Variants in KCNH7 observed in about 807,000 individuals in gnomAD.
KCNH7 encodes potassium voltage-gated channel subfamily H member 7.
A neutral mutation model predicts 120.8 loss-of-function variants in KCNH7; 49 were observed. The ratio of observed to expected loss-of-function variants is 0.41; its 90% confidence interval spans 0.32 to 0.51. The LOEUF (loss-of-function observed/expected upper bound fraction) is 0.51. KCNH7 is among the 20% of genes least tolerant of loss of function. The probability of loss-of-function intolerance (pLI) is 0.38; values close to 1 mark genes in which losing one functional copy is unlikely to be tolerated. For synonymous variants in KCNH7, 547 were observed against 516.1 expected, an observed-to-expected ratio of 1.06 and a Z score of -0.81; for missense variants, 1,097 against 1,446.6, an observed-to-expected ratio of 0.76 and a Z score of 3.92.
intron 2 of KCNH7, among the ~76,000 whole-genome samples, chr2:162,820,254 T>TGTGTGTGTGTGTGTGTGTGTGTG (rs59154139): frequency 8.1e-5 from 12 of 147,672 alleles, no homozygotes; most frequent in South Asian, 2.2e-4. Context: ...TGTGTGTGTG[T>TGTGTGTGTGTGTGTGTGTGTGTG]TTAGTAGAGA....
chr2:162,380,858 G>A (rs994225641), intron 13 of KCNH7, among the ~76,000 whole-genome samples: 2 of 151,844 alleles, frequency 1.3e-5, no homozygotes, highest in Non-Finnish European at 2.9e-5. Context: ...AGTCTAGCAG[G>A]GTTGTGATCC....
intron 7 of KCNH7, 69 bp downstream of exon 7, chr2:162,445,949 T>C: frequency 8.1e-7 from 1 of 1,233,534 alleles, no homozygotes; most frequent in Non-Finnish European, 1.1e-6. Context: ...CTCTTCTTTT[T>C]GCAGTTAAAA....
chr2:162,838,412 G>A (rs770157948), intron 1 of KCNH7, 31 bp downstream of exon 1: 1 of 1,576,654 alleles, frequency 6.3e-7, no homozygotes, highest in Non-Finnish European at 8.7e-7. Flanking sequence ...GGCAGAAAGC[G>A]AGGGCGAGAG....
intron 6 of KCNH7, among the ~76,000 whole-genome samples, chr2:162,496,735 C>T (rs1690511280): frequency 2.0e-5 from 3 of 152,098 alleles, no homozygotes; most frequent in Admixed American, 1.3e-4. Context: ...AGTCTTTATA[C>T]AAATAATTGT....
chr2:162,831,791 G>A (rs1193029647), intron 2 of KCNH7, among the ~76,000 whole-genome samples: 1 of 152,160 alleles, frequency 6.6e-6, no homozygotes, highest in Non-Finnish European at 1.5e-5. Flanking sequence ...CCTTGGGTGT[G>A]AAAATAACTA....
intron 3 of KCNH7, among the ~76,000 whole-genome samples, chr2:162,529,759 C>T (rs1168330686): frequency 6.6e-6 from 1 of 151,762 alleles, no homozygotes. Context: ...TTAAATGTGG[C>T]CCCTTATGCT....
chr2:162,732,645 C>T (rs546488978), intron 2 of KCNH7, among the ~76,000 whole-genome samples: 1 of 152,248 alleles, frequency 6.6e-6, no homozygotes, highest in South Asian at 2.1e-4. Flanking sequence ...TTCTTTGAAC[C>T]TCAATATCCT....
chr2:162,569,818 G>T (rs1340619146), intron 2 of KCNH7, among the ~76,000 whole-genome samples: 1 of 139,264 alleles, frequency 7.2e-6, no homozygotes, highest in Non-Finnish European at 1.5e-5. Context: ...AGGTTGTTCA[G>T]TGTCCATGTA....
chr2:162,514,093 A>G (rs1691202496), intron 4 of KCNH7, among the ~76,000 whole-genome samples: 1 of 151,832 alleles, frequency 6.6e-6, no homozygotes, highest in African/African-American at 2.4e-5. Context: ...GTTGATATCT[A>G]TGCTAACACT....
chr2:162,820,209 TTGTGTGTG>T (rs71410049), intron 2 of KCNH7, among the ~76,000 whole-genome samples: 2,987 of 99,722 alleles, frequency 0.03, 58 homozygotes, highest in African/African-American at 0.066. Context: ...CCGGCTAATT[TTGTGTGTG>T]TGTGTGTGTG....
chr2:162,410,531 C>G (rs1280522059), intron 9 of KCNH7, among the ~76,000 whole-genome samples: 3 of 151,488 alleles, frequency 2.0e-5, no homozygotes, highest in African/African-American at 7.3e-5. Context: ...AACACCTCTT[C>G]AACCTTGGCA....
chr2:162,522,214 T>C (rs923374771), intron 3 of KCNH7, among the ~76,000 whole-genome samples: 12 of 151,726 alleles, frequency 7.9e-5, no homozygotes, highest in African/African-American at 2.9e-4. Flanking sequence ...TGAAATTGAG[T>C]TTTAAAGCAG....
chr2:162,618,075 G>A (rs915736063), intron 2 of KCNH7, among the ~76,000 whole-genome samples: 12 of 151,896 alleles, frequency 7.9e-5, no homozygotes, highest in African/African-American at 2.9e-4. Context: ...CCTAGCTTTA[G>A]TAAAGAGATG....
intron 2 of KCNH7, among the ~76,000 whole-genome samples, chr2:162,807,227 A>T (rs1684571925): frequency 7.5e-6 from 1 of 132,952 alleles, no homozygotes; most frequent in Non-Finnish European, 1.6e-5. Flanking sequence ...CCTGGCCAAC[A>T]TGGTGAAAAC....
At chr2:162,617,429 A>G (rs1333737593) in intron 2 of KCNH7, among the ~76,000 whole-genome samples, 2 of 152,132 alleles carry the variant, frequency 1.3e-5, no homozygotes, top group Non-Finnish European at 2.9e-5. Context: ...CAGTGAGCTG[A>G]GATTGCGCCA....
chr2:162,423,914 T>TC (rs1248934149), intron 8 of KCNH7, among the ~76,000 whole-genome samples: 5 of 152,156 alleles, frequency 3.3e-5, no homozygotes, highest in Non-Finnish European at 7.4e-5. Context: ...GGCAAAAGCA[T>TC]CTTTTAGGGA....
intron 9 of KCNH7, among the ~76,000 whole-genome samples, chr2:162,418,213 G>A (rs1573934075): frequency 6.6e-6 from 1 of 152,142 alleles, no homozygotes; most frequent in Admixed American, 6.5e-5. Flanking sequence ...ACCAAAAGGT[G>A]TTGCCAGTCC....
chr2:162,531,344 C>T (rs532969777), intron 3 of KCNH7, among the ~76,000 whole-genome samples: 159 of 152,050 alleles, frequency 1.0e-3, no homozygotes, highest in African/African-American at 3.7e-3. Context: ...CCCTTCTCTG[C>T]CATGCTGCTG....
chr2:162,671,539 A>C (rs1386285119), intron 2 of KCNH7, among the ~76,000 whole-genome samples: 4 of 152,112 alleles, frequency 2.6e-5, no homozygotes, highest in Admixed American at 2.6e-4. Flanking sequence ...GAAATAACAG[A>C]CGTTGGCAAC....
Sources: gnomAD v4.1 joint callset for allele counts (sites outside exome capture counted in the v4.1 genomes callset) on GRCh38, gnomAD v4.1.1 for gene constraint, MANE v1.5 for transcripts, NCBI Gene and HGNC (gene_info 2026-07-23, HGNC 2026-07-21) for gene names.